Variants in LNX2 observed in about 807,000 individuals in gnomAD.
LNX2 encodes the protein ligand of Numb protein X 2.
LNX2 carries 35 observed loss-of-function variants against 66.2 expected under a neutral mutation model. That is an observed-to-expected ratio of 0.53 (90% CI 0.40 to 0.70). The LOEUF (loss-of-function observed/expected upper bound fraction) is 0.70. Ranked by LOEUF, LNX2 falls within the 30% of genes least tolerant of loss-of-function variation. The pLI is 0.00. For missense variants in LNX2, 791 were observed against 850.8 expected (o/e 0.93, Z 0.87); for synonymous variants, 337 against 315.6 (o/e 1.07, Z -0.72).
At chr13:27,581,270 G>A (rs1955393603) in intron 2 of LNX2, 27 bp downstream of exon 2, 3 of 1,452,494 alleles carry the variant, frequency 2.1e-6, no homozygotes, top group African/African-American at 2.8e-5. Flanking sequence ...AAAATCTGGA[G>A]TTACTTCTTT....
At chr13:27,554,492 T>C (rs1215314500) in intron 7 of LNX2, among the ~76,000 whole-genome samples, 1 of 152,218 alleles carries the variant, frequency 6.6e-6, no homozygotes, top group South Asian at 2.1e-4. Flanking sequence ...GAATCATACA[T>C]GGTCTTTTAT....
At chr13:27,600,062 A>G (rs1955640561) in intron 1 of LNX2, among the ~76,000 whole-genome samples, 1 of 152,218 alleles carries the variant, frequency 6.6e-6, no homozygotes, top group Non-Finnish European at 1.5e-5. Context: ...TATGTACCAG[A>G]AAATTCATGA....
chr13:27,575,746 G>A (rs1479012694), intron 2 of LNX2, among the ~76,000 whole-genome samples: 1 of 152,058 alleles, frequency 6.6e-6, no homozygotes, highest in Admixed American at 6.5e-5. Context: ...ACAGATCCCT[G>A]ACTAATTCAT....
At chr13:27,598,246 A>G (rs535657271) in intron 1 of LNX2, among the ~76,000 whole-genome samples, 82 of 152,090 alleles carry the variant, frequency 5.4e-4, no homozygotes, top group Non-Finnish European at 1.0e-3. Context: ...TATGGCCCAC[A>G]TCTGGCTGAA....
At chr13:27,587,069 T>A (rs1262176084) in intron 1 of LNX2, among the ~76,000 whole-genome samples, 1 of 152,158 alleles carries the variant, frequency 6.6e-6, no homozygotes, top group East Asian at 1.9e-4. Context: ...TGACTCAGAT[T>A]TAAAGGGTCT....
chr13:27,556,184 G>A (rs1473263895), intron 7 of LNX2, 52 bp downstream of exon 7: 5 of 1,490,426 alleles, frequency 3.4e-6, no homozygotes, highest in South Asian at 1.2e-5. Flanking sequence ...TTTTAAATGT[G>A]CATTTAATTC....
intron 9 of LNX2, among the ~76,000 whole-genome samples, chr13:27,549,571 G>C (rs1954982307): frequency 6.6e-6 from 1 of 151,988 alleles, no homozygotes; most frequent in South Asian, 2.1e-4. Context: ...TTTCATTGTG[G>C]GCAAGTTTCT....
Position 27,562,796 on chromosome 13 carries a change from T to C in LNX2, c.856-15A>G, listed in dbSNP as rs779858573. 1.3e-6 allele frequency: 2 copies of C among 1,591,378 alleles called. No homozygotes were observed. The highest frequency in any genetic ancestry group is 1.8e-5 in the Admixed American group (1 of 56,716). On this transcript the variant is annotated splice_polypyrimidine_tract_variant and intron_variant, in intron 4 of 9. Transcript: ENST00000316334. Reference sequence around the variant, plus strand: ...TAGTTGTTGACCTAGAAAAAAAGAATTGTGACCGAAGTGTGACAACCTTTT... The same window carrying C: ...TAGTTGTTGACCTAGAAAAAAAGAACTGTGACCGAAGTGTGACAACCTTTT...
intron 1 of LNX2, among the ~76,000 whole-genome samples, chr13:27,593,506 T>C: frequency 6.6e-6 from 1 of 151,956 alleles, no homozygotes; most frequent in East Asian, 1.9e-4. Context: ...TCATACTACT[T>C]TATCTCTCTT....
Position 27,581,673 on chromosome 13 carries a change from C to G in LNX2, c.31G>C (p.Val11Leu), listed in dbSNP as rs747606500. ...AGAGAAGAGGAGGAGGTCTGTTCCACAGACACCATCTCATCACTTGTTGTT... is the reference window on the plus strand; with the variant it reads ...AGAGAAGAGGAGGAGGTCTGTTCCAGAGACACCATCTCATCACTTGTTGTT... MGTTSDEMVS[V>L]EQTSSSSLNP... The change falls in exon 2 of 10, where the codon GTG becomes CTG. Residue 11 changes from valine to leucine, a missense_variant. Coordinates refer to ENST00000316334, the MANE Select transcript of LNX2 (RefSeq NM_153371.4). The G allele has an allele frequency of 6.2e-7, 1 of 1,610,076 alleles. No individual in the cohort carries two copies. The highest frequency in any genetic ancestry group is 1.7e-5 in the Admixed American group (1 of 59,136).
intron 1 of LNX2, among the ~76,000 whole-genome samples, chr13:27,619,676 C>T (rs1269277618): frequency 6.6e-6 from 1 of 152,174 alleles, no homozygotes; most frequent in Non-Finnish European, 1.5e-5. Flanking sequence ...ATAAACTTAA[C>T]GTAAACTGAA....
intron 1 of LNX2, among the ~76,000 whole-genome samples, chr13:27,616,618 G>A (rs1012118183): frequency 3.3e-5 from 5 of 152,200 alleles, no homozygotes; most frequent in African/African-American, 1.2e-4. Context: ...GGATTCTGCA[G>A]TTAGCAAAAT....
chr13:27,550,410 T>G lies in LNX2; in HGVS notation c.1860A>C (p.Glu620Asp). ...AAAAAGGCTGATTGGTGTGGTTCTC[T>G]TCATATCCACCAACGATACTAAAGC... ...SWGFSIVGGYEENHTNQPFFI... is the reference protein window; with the variant it reads ...SWGFSIVGGYDENHTNQPFFI... The change falls in exon 9 of 10, where the codon GAA becomes GAC. Residue 620 changes from glutamate (E) to aspartate (D), a missense_variant. Transcript: ENST00000316334. 6.2e-7 allele frequency: 1 copy of G among 1,613,750 alleles called. No individual in the cohort carries two copies. The highest frequency in any genetic ancestry group is 8.5e-7 in the Non-Finnish European group (1 of 1,179,650).
chr13:27,548,637 C>T (rs145404837), intron 9 of LNX2, among the ~76,000 whole-genome samples, 167 bp from the exon 10 acceptor site: 1 of 152,306 alleles, frequency 6.6e-6, no homozygotes, highest in East Asian at 1.9e-4. Flanking sequence ...CCTATGCTGG[C>T]TTTCCCTTGC....
chr13:27,548,811 C>A (rs192383352), intron 9 of LNX2, among the ~76,000 whole-genome samples: 162 of 152,196 alleles, frequency 1.1e-3, no homozygotes, highest in African/African-American at 3.8e-3. Context: ...ATTTTGACTG[C>A]TATTTTTCTA....
At chr13:27,577,499 T>C (rs1232362158) in intron 2 of LNX2, among the ~76,000 whole-genome samples, 1 of 152,080 alleles carries the variant, frequency 6.6e-6, no homozygotes, top group African/African-American at 2.4e-5. Context: ...GAAGAATAAT[T>C]GTCTTGGTCC....
intron 1 of LNX2, among the ~76,000 whole-genome samples, chr13:27,592,090 A>G (rs1313905746): frequency 6.6e-6 from 1 of 152,240 alleles, no homozygotes; most frequent in Non-Finnish European, 1.5e-5. Context: ...TGGGCTAACT[A>G]AATCTTGTAG....
intron 1 of LNX2, among the ~76,000 whole-genome samples, chr13:27,609,751 T>C (rs1014790007): frequency 6.6e-6 from 1 of 152,200 alleles, no homozygotes; most frequent in Admixed American, 6.5e-5. Context: ...AGGGATTCAT[T>C]AAAAGTTTTT....
rs1439538858 is a variant in LNX2, at chr13:27,562,581, G to T, written c.1056C>A (p.Gly352=). Residue 352 remains glycine (G), a synonymous_variant, in exon 5 of 10, where the codon GGC becomes GGA. Transcript: ENST00000316334. The part of the protein sequence containing the change: ...LHKRDSGEQL[G]IKLVRRTDEP... ...CATCTGTCCTTCGCACCAATTTAATGCCAAGCTGTTCACCAGAGTCCCGTT... is the reference window on the plus strand; with the variant it reads ...CATCTGTCCTTCGCACCAATTTAATTCCAAGCTGTTCACCAGAGTCCCGTT... 1 of 1,613,956 alleles carries T rather than the reference G, an allele frequency of 6.2e-7. No individual in the cohort carries two copies. Among genetic ancestry groups the T allele is most frequent in the African/African-American group, 1.3e-5 (1 of 74,894 alleles).
Sources: gnomAD v4.1 joint callset for allele counts (sites outside exome capture counted in the v4.1 genomes callset) on GRCh38, gnomAD v4.1.1 for gene constraint, MANE v1.5 for transcripts, NCBI Gene and HGNC (gene_info 2026-07-23, HGNC 2026-07-21) for gene names.